The following COL4A1 variants were observed in gnomAD, a reference collection of about 807,000 sequenced individuals.
The protein encoded by COL4A1 is collagen alpha-1(IV) chain.
In COL4A1, 40 loss-of-function variants were observed where a neutral mutation model predicts 216.6. That is an observed-to-expected ratio of 0.18 (90% CI 0.14 to 0.24). COL4A1 has a LOEUF of 0.24. Among genes scored for constraint, COL4A1 ranks in the 10% least tolerant of loss-of-function variants. The pLI is 1.00. For missense variants in COL4A1, 1,628 were observed against 2,196.8 expected (o/e 0.74, Z 5.18); for synonymous variants, 839 against 810.7 (o/e 1.03, Z -0.59).
chr13:110,195,415 C>G (rs1442347168), intron 21 of COL4A1, among the ~76,000 whole-genome samples: 1 of 152,148 alleles, frequency 6.6e-6, no homozygotes, highest in Non-Finnish European at 1.5e-5. Flanking sequence ...TTTCATCTTG[C>G]GAAGTGCCTA....
In COL4A1 at chr13:110,187,348, G is replaced by A. The variant is rs773525147; in HGVS notation, c.1537-19C>T. 2.4e-5 allele frequency: 38 copies of A among 1,611,760 alleles called. No individual in the cohort carries two copies. Among genetic ancestry groups the A allele is most frequent in the Non-Finnish European group, 3.2e-5 (38 of 1,179,788 alleles). On this transcript the variant is annotated intron_variant, in intron 24 of 51. Transcript: ENST00000375820. ...GAGGGCCCTGTAAGAACAAAGCCTT[G>A]TGATCCACAGAAGAACCCATCCATG...
chr13:110,228,067 T>G (rs1880826638), intron 2 of COL4A1, among the ~76,000 whole-genome samples: 2 of 152,098 alleles, frequency 1.3e-5, no homozygotes, highest in Non-Finnish European at 2.9e-5. Context: ...GGGAAAGGGA[T>G]GCACAGGGAC....
chr13:110,306,958 G>C lies in COL4A1; in HGVS notation c.70C>G (p.Arg24Gly). The change falls in exon 1 of 52, where the codon CGG becomes GGG. Residue 24 changes from arginine (R) to glycine (G), a missense_variant. Coordinates refer to ENST00000375820, the MANE Select transcript of COL4A1 (RefSeq NM_001845.6). Reference sequence around the variant, plus strand: ...CGGGAACTCACCTTCGCAGCGGCCCGGCTGTGCTCCTCGTGGAGCAGAAGG... The same window carrying C: ...CGGGAACTCACCTTCGCAGCGGCCCCGCTGTGCTCCTCGTGGAGCAGAAGG... ...AALLLHEEHS[R>G]AAAKGGCAGS... is the part of the protein sequence containing the mutation. The C allele has an allele frequency of 2.7e-6, 4 of 1,475,288 alleles. No individual in the cohort carries two copies. Among genetic ancestry groups the C allele is most frequent in the Non-Finnish European group, 3.6e-6 (4 of 1,118,282 alleles). The allele number at this position is 1,475,288 out of a possible 1,614,324, so 91.4% of individuals were successfully genotyped here. A position where few individuals can be genotyped will look rare whatever the true frequency, so the allele number is the denominator to read the frequency against.
At chr13:110,205,444 A>T in intron 16 of COL4A1, 38 bp from the exon 17 acceptor site, 1 of 1,612,314 alleles carries the variant, frequency 6.2e-7, no homozygotes, top group South Asian at 1.1e-5. Flanking sequence ...GTCAGAGGCC[A>T]GTGGTAGGAA....
At chr13:110,250,657 C>T (rs1056951783) in intron 1 of COL4A1, among the ~76,000 whole-genome samples, 1 of 152,134 alleles carries the variant, frequency 6.6e-6, no homozygotes, top group African/African-American at 2.4e-5. Flanking sequence ...GTCAGTGGTT[C>T]CTTGGATGGC....
chr13:110,157,139 G>A (rs2138422873), intron 49 of COL4A1, among the ~76,000 whole-genome samples: 1 of 152,244 alleles, frequency 6.6e-6, no homozygotes, highest in East Asian at 1.9e-4. Context: ...AATTCACATG[G>A]CCAAATTCTC....
chr13:110,204,711 TG>T (rs1311328784), intron 17 of COL4A1, among the ~76,000 whole-genome samples: 2 of 151,980 alleles, frequency 1.3e-5, no homozygotes, highest in African/African-American at 4.8e-5. Context: ...AAGGACTTTC[TG>T]GGGCAATTTG....
At chr13:110,219,505 T>G (rs1880266344) in intron 2 of COL4A1, among the ~76,000 whole-genome samples, 1 of 151,816 alleles carries the variant, frequency 6.6e-6, no homozygotes, top group African/African-American at 2.4e-5. Flanking sequence ...CCCAGACGTC[T>G]AGCTTGAGAC....
chr13:110,191,618 C>T (rs571332446), intron 24 of COL4A1: 16 of 683,504 alleles, frequency 2.3e-5, no homozygotes, highest in East Asian at 5.4e-5. Context: ...CAATGTGATC[C>T]GGATATTTCA....
chr13:110,160,935 C>A, intron 49 of COL4A1: 1 of 491,920 alleles, frequency 2.0e-6, no homozygotes, highest in Non-Finnish European at 3.7e-6. Context: ...TCTTGAACTC[C>A]TGAGCTCAAG....
At chr13:110,288,309 C>T (rs1014031054) in intron 1 of COL4A1, among the ~76,000 whole-genome samples, 8 of 151,348 alleles carry the variant, frequency 5.3e-5, no homozygotes, top group South Asian at 2.1e-4. Flanking sequence ...TAAGCCTGAG[C>T]GCAGCCTTGA....
chr13:110,273,487 G>A (rs1275430075), intron 1 of COL4A1, among the ~76,000 whole-genome samples: 3 of 152,152 alleles, frequency 2.0e-5, no homozygotes, highest in Non-Finnish European at 4.4e-5. Context: ...CACCTAGTCA[G>A]GGAAGAAGTC....
At chr13:110,231,770 C>T (rs1172737015) in intron 2 of COL4A1, among the ~76,000 whole-genome samples, 1 of 152,150 alleles carries the variant, frequency 6.6e-6, no homozygotes. Context: ...CATTCCTTTA[C>T]CAATCTTCTA....
chr13:110,277,242 A>G (rs1317245775), intron 1 of COL4A1, among the ~76,000 whole-genome samples: 1 of 152,220 alleles, frequency 6.6e-6, no homozygotes, highest in Non-Finnish European at 1.5e-5. Flanking sequence ...TGTATCATCA[A>G]TGTTAACACA....
intron 20 of COL4A1, 71 bp downstream of exon 20, chr13:110,200,783 T>A (rs1251217037): frequency 2.1e-6 from 3 of 1,453,758 alleles, no homozygotes; most frequent in Non-Finnish European, 2.9e-6. Context: ...CGTGATAAAT[T>A]ATATATTCAG....
At position 110,210,279 on chromosome 13, in the gene COL4A1, C is replaced by CT. The variant is rs1879730325; in HGVS notation, c.469-68dup. Reference sequence around the variant, plus strand: ...CATTCATGTAAAGAAGCTGAAAACTCTTTGATAGTTGGCATATATTAGTGT... The same window carrying CT: ...CATTCATGTAAAGAAGCTGAAAACTCTTTTGATAGTTGGCATATATTAGTGT... On this transcript the variant is annotated intron_variant, in intron 8 of 51. Transcript: ENST00000375820. 5 of 1,481,632 alleles carry CT rather than the reference C, an allele frequency of 3.4e-6. No homozygotes were observed. The Admixed American group carries it at 8.8e-5, about 26-fold the overall frequency. 91.8% of individuals were successfully genotyped at this position (1,481,632 alleles called of 1,614,324 possible).
In COL4A1 at chr13:110,187,137, C is replaced by T. The variant is rs1373068282; in HGVS notation, c.1728+1G>A. 6.2e-7 allele frequency: 1 copy of T among 1,613,958 alleles called. No homozygotes were observed. Among genetic ancestry groups the T allele is most frequent in the East Asian group, 2.2e-5 (1 of 44,882 alleles). ...CATTCAAAGTCTGGAGATAAACATA[C>T]CGGCGAGCCCTTGGGGCCAGGAAGA... On this transcript the variant is annotated splice_donor_variant, in intron 25 of 51. Coordinates refer to ENST00000375820, the MANE Select transcript of COL4A1 (RefSeq NM_001845.6). LOFTEE classifies it high-confidence loss of function.
At chr13:110,196,509 T>C (rs2139184766) in intron 21 of COL4A1, among the ~76,000 whole-genome samples, 1 of 152,304 alleles carries the variant, frequency 6.6e-6, no homozygotes, top group Non-Finnish European at 1.5e-5. Flanking sequence ...GACATGTAAC[T>C]GTTATACTCC....
intron 1 of COL4A1, among the ~76,000 whole-genome samples, chr13:110,260,929 C>G (rs754067859): frequency 2.0e-5 from 3 of 151,546 alleles, no homozygotes; most frequent in Non-Finnish European, 4.4e-5. Context: ...CCCAGCTACT[C>G]GGGAGGCTGA....
Sources: allele counts gnomAD v4.1 joint callset (sites outside exome capture counted in the v4.1 genomes callset), GRCh38; gene constraint gnomAD v4.1.1; transcripts MANE v1.5; gene names NCBI Gene and HGNC (gene_info 2026-07-23, HGNC 2026-07-21).